AFAP1: variants seen among roughly 807,000 people sequenced by gnomAD.
The protein encoded by AFAP1 is actin filament associated protein 1.
Under a neutral mutation model 93.9 loss-of-function variants are expected in AFAP1, and 75 were observed. The ratio of observed to expected loss-of-function variants is 0.80; its 90% CI spans 0.66 to 0.97. AFAP1 has a LOEUF of 0.97. Among genes scored for constraint, AFAP1 ranks in the 50% least tolerant of loss-of-function variants. The probability of loss-of-function intolerance (pLI) is 0.00; values close to 1 mark genes in which losing one functional copy is unlikely to be tolerated. For missense variants in AFAP1, 1,201 were observed against 1,050.8 expected (o/e 1.14, Z -1.98); for synonymous variants, 517 against 430.7 (o/e 1.20, Z -2.48).
At chr4:7,794,716 G>C (rs1174239936) in intron 10 of AFAP1, among the ~76,000 whole-genome samples, 1 of 151,902 alleles carries the variant, frequency 6.6e-6, no homozygotes, top group African/African-American at 2.4e-5. Context: ...TGTAGAGACA[G>C]GGTCTCACCA....
At chr4:7,790,458 A>G (rs965697877) in intron 11 of AFAP1, among the ~76,000 whole-genome samples, 18 of 152,204 alleles carry the variant, frequency 1.2e-4, no homozygotes, top group Non-Finnish European at 2.1e-4. Context: ...GCTGTATTCT[A>G]GGGCAACGAT....
intron 1 of AFAP1, among the ~76,000 whole-genome samples, chr4:7,893,646 T>G (rs1718602484): frequency 6.6e-6 from 1 of 151,384 alleles, no homozygotes; most frequent in East Asian, 2.0e-4. Context: ...GTCCTCCAGC[T>G]TGGAACACCC....
At chr4:7,863,169 A>G (rs1715943664) in intron 3 of AFAP1, among the ~76,000 whole-genome samples, 2 of 152,214 alleles carry the variant, frequency 1.3e-5, no homozygotes, top group African/African-American at 4.8e-5. Flanking sequence ...TAATCCTAAC[A>G]GTTTAGGAGG....
intron 1 of AFAP1, among the ~76,000 whole-genome samples, chr4:7,899,569 T>TCA (rs1228307835): frequency 3.3e-5 from 5 of 152,202 alleles, no homozygotes; most frequent in African/African-American, 1.2e-4. Flanking sequence ...GAAAACCTCC[T>TCA]CATTCATTAT....
At chr4:7,868,939 GAA>G (rs928098676) in intron 2 of AFAP1, among the ~76,000 whole-genome samples, 1 of 127,516 alleles carries the variant, frequency 7.8e-6, no homozygotes, top group Non-Finnish European at 1.7e-5. Flanking sequence ...AAGAGAAAGA[GAA>G]AGAGAAAGGG....
intron 1 of AFAP1, among the ~76,000 whole-genome samples, chr4:7,915,255 T>C (rs1720024631): frequency 2.4e-5 from 1 of 41,808 alleles, no homozygotes; most frequent in African/African-American, 4.6e-4. Flanking sequence ...CCAGCACTTG[T>C]TATTTTTTGT....
chr4:7,785,177 C>T (rs962702488), intron 12 of AFAP1, among the ~76,000 whole-genome samples: 2 of 152,118 alleles, frequency 1.3e-5, no homozygotes, highest in African/African-American at 2.4e-5. Flanking sequence ...GCAGGATGCT[C>T]AATACGCGGT....
intron 6 of AFAP1, among the ~76,000 whole-genome samples, chr4:7,827,511 C>T (rs558138837): frequency 6.2e-5 from 8 of 128,150 alleles, no homozygotes; most frequent in African/African-American, 2.1e-4. Flanking sequence ...GTGGAGGTTG[C>T]GGTGAGCAGA....
intron 1 of AFAP1, among the ~76,000 whole-genome samples, chr4:7,889,542 CAAAAAA>C (rs576725041): frequency 9.9e-5 from 6 of 60,680 alleles, no homozygotes; most frequent in African/African-American, 3.0e-4. Context: ...AACTCCATCC[CAAAAAA>C]AAAAAAAAAA....
chr4:7,890,881 T>C (rs1030430583), intron 1 of AFAP1, among the ~76,000 whole-genome samples: 1 of 152,186 alleles, frequency 6.6e-6, no homozygotes, highest in Non-Finnish European at 1.5e-5. Context: ...AATTTAAATG[T>C]ACACGTACCA....
chr4:7,830,937 T>A (rs531465601), intron 6 of AFAP1, among the ~76,000 whole-genome samples: 1 of 152,214 alleles, frequency 6.6e-6, no homozygotes, highest in Non-Finnish European at 1.5e-5. Flanking sequence ...AAAGACCAAA[T>A]TCAGATAAAA....
At chr4:7,878,166 C>T (rs1031046558) in intron 1 of AFAP1, among the ~76,000 whole-genome samples, 2 of 152,180 alleles carry the variant, frequency 1.3e-5, no homozygotes, top group East Asian at 3.8e-4. Context: ...TAATAACCAA[C>T]ACACACTCTG....
intron 1 of AFAP1, among the ~76,000 whole-genome samples, chr4:7,938,301 GT>G (rs1721512773): frequency 6.6e-6 from 1 of 152,170 alleles, no homozygotes; most frequent in African/African-American, 2.4e-5. Context: ...ACCATCTCTT[GT>G]TCAGAAAGAA....
At chr4:7,926,574 G>A (rs747389260) in intron 1 of AFAP1, among the ~76,000 whole-genome samples, 7 of 152,114 alleles carry the variant, frequency 4.6e-5, no homozygotes, top group Admixed American at 2.0e-4. Context: ...CAAATGGGGA[G>A]GCCAGGTTCC....
Position 7,939,634 on chromosome 4 carries a change from G to GC in AFAP1, c.-3+21dup. 1 of 415,622 alleles carries GC rather than the reference G, an allele frequency of 2.4e-6. No homozygotes were observed. The highest frequency in any genetic ancestry group is 1.6e-5 in the South Asian group (1 of 60,664). 25.7% of individuals were successfully genotyped at this position (415,622 alleles called of 1,614,324 possible). The stretch of plus-strand genomic sequence containing the variant: ...GACCCCCGCCGGGTCCGGAGACCCT[G>GC]CCGCCAGTCGCGCCGTCTCACCTCA... On this transcript the variant is annotated intron_variant, in intron 1 of 17. Transcript: ENST00000420658. The surrounding 1 kb of genome is among the most constrained non-coding windows in gnomAD (Gnocchi z 5.6).
chr4:7,770,734 A>C (rs928488856), intron 16 of AFAP1, among the ~76,000 whole-genome samples: 1 of 152,166 alleles, frequency 6.6e-6, no homozygotes, highest in African/African-American at 2.4e-5. Flanking sequence ...CAGGAAGCCC[A>C]GCCCCTCCAC....
intron 1 of AFAP1, among the ~76,000 whole-genome samples, chr4:7,873,048 G>A (rs1011526912): frequency 3.3e-5 from 5 of 149,598 alleles, no homozygotes; most frequent in South Asian, 2.1e-4. Flanking sequence ...TCAGAAGTTC[G>A]AGACCAGCCT....
At chr4:7,798,852 C>A in intron 10 of AFAP1, 14 of 976,144 alleles carry the variant, frequency 1.4e-5, no homozygotes, top group Non-Finnish European at 1.7e-5. Flanking sequence ...CCGAGCTTCT[C>A]TGTCTGGGCA....
intron 1 of AFAP1, among the ~76,000 whole-genome samples, chr4:7,877,022 A>C (rs1228636562): frequency 6.6e-6 from 1 of 152,100 alleles, no homozygotes; most frequent in African/African-American, 2.4e-5. Flanking sequence ...CCCTCACTGA[A>C]GTCTTCCCTA....
Sources: allele counts gnomAD v4.1 joint callset (sites outside exome capture counted in the v4.1 genomes callset), GRCh38; gene constraint gnomAD v4.1.1; non-coding constraint Gnocchi (gnomAD v3.1); transcripts MANE v1.5; gene names NCBI Gene and HGNC (gene_info 2026-07-23, HGNC 2026-07-21).